The following MMP13 variants were observed in gnomAD, a reference collection of about 807,000 sequenced individuals.
The protein encoded by MMP13 is matrix metallopeptidase 13, also known as collagenase 3.
MMP13 carries 45 observed loss-of-function variants against 52.1 expected under a neutral mutation model. The observed-to-expected ratio is 0.86, with a 90% confidence interval of 0.68 to 1.11. The LOEUF (loss-of-function observed/expected upper bound fraction) is 1.11, where lower values mean the gene tolerates loss of function less well. Ranked by LOEUF, MMP13 falls within the 50% of genes least tolerant of loss-of-function variation. The pLI, the probability that MMP13 is intolerant of heterozygous loss-of-function variation, is 0.00. For synonymous variants in MMP13, 200 were observed against 204.4 expected (o/e 0.98, Z 0.18); for missense variants, 576 against 583.8 (o/e 0.99, Z 0.14).
chr11:102,950,138 G>A lies in MMP13; in HGVS notation c.889C>T (p.Arg297Ter), dbSNP rs1187312618. 2.5e-6 allele frequency: 4 copies of A among 1,612,978 alleles called. No homozygotes were observed. Among genetic ancestry groups the A allele is most frequent in the Admixed American group, 1.7e-5 (1 of 59,992 alleles). ...SLSLDAITSL[R>*]GETMIFKDRF... ...TCTTTAAAGATCATTGTTTCTCCTCGGAGACTGGTAATGGCATCAAGGGAT... is the reference window on the plus strand; with the variant it reads ...TCTTTAAAGATCATTGTTTCTCCTCAGAGACTGGTAATGGCATCAAGGGAT... Residue 297 changes from arginine (R) to a stop codon, truncating the protein, a stop_gained, in exon 6 of 10, where the codon CGA (arginine) becomes TGA (stop). Coordinates refer to ENST00000260302, the MANE Select transcript of MMP13 (RefSeq NM_002427.4). LOFTEE classifies it high-confidence loss of function.
chr11:102,945,062 G>A (rs904187165), intron 9 of MMP13: 6 of 274,234 alleles, frequency 2.2e-5, no homozygotes, highest in African/African-American at 1.4e-4. Context: ...TAGCCAACAT[G>A]GCGAAACTCC....
rs1338632164 is a variant in MMP13, at chr11:102,955,181, A to T, written c.362+71T>A. The T allele has an allele frequency of 1.9e-6, 3 of 1,543,502 alleles. No individual in the cohort carries two copies. Among genetic ancestry groups the T allele is most frequent in the Non-Finnish European group, 2.7e-6 (3 of 1,124,322 alleles). On this transcript the variant is annotated intron_variant, in intron 2 of 9. Transcript: ENST00000260302. The surrounding 1 kb of genome is among the most constrained non-coding windows in gnomAD (Gnocchi z 4.9). ...AACTGCCAATTAAATAATAAGGCCT[A>T]CTTAATATTAGACATTTAATACTAC...
In MMP13 at chr11:102,949,848, C is replaced by A. The variant is rs1239399870; in HGVS notation, c.917+262G>T. 1.3e-5 allele frequency among the ~76,000 whole-genome samples: 2 copies of A among 152,034 alleles called. No individual in the cohort carries two copies. The highest frequency in any genetic ancestry group is 4.8e-5 in the African/African-American group (2 of 41,392). ...TCTGTTTTTAAAACAAATGGGATTT[C>A]TAGATTTTCTTGGTTATATTTATAA... On this transcript the variant is annotated intron_variant, in intron 6 of 9. Coordinates refer to ENST00000260302, the MANE Select transcript of MMP13 (RefSeq NM_002427.4). This position sits in a 1 kb window ranked among gnomAD's most constrained non-coding sequence, Gnocchi z 4.2.
At position 102,947,826 on chromosome 11, in the gene MMP13, G is replaced by A. The variant is rs17860569; in HGVS notation, c.1211+65C>T. 241 of 1,521,012 alleles carry A rather than the reference G, an allele frequency of 1.6e-4. No homozygotes were observed. The African/African-American group carries it at 3.1e-3, about 19-fold the overall frequency. The allele number at this position is 1,521,012 out of a possible 1,614,324, so 94.2% of individuals were successfully genotyped here. On this transcript the variant is annotated intron_variant, in intron 8 of 9. Transcript: ENST00000260302. The stretch of plus-strand genomic sequence containing the variant: ...TAGTGTGTAGGAATAATGTATAGTA[G>A]TGACAGATGTTTGAGGCACTTTGCG...
In MMP13 at chr11:102,954,298, G is replaced by C; in HGVS notation, c.512-17C>G. 6.2e-7 allele frequency: 1 copy of C among 1,613,600 alleles called. No homozygotes were observed. Among genetic ancestry groups the C allele is most frequent in the East Asian group, 2.2e-5 (1 of 44,874 alleles). On this transcript the variant is annotated splice_polypyrimidine_tract_variant and intron_variant, in intron 3 of 9. Coordinates refer to ENST00000260302, the MANE Select transcript of MMP13 (RefSeq NM_002427.4). ...CGCCATGCTCTACACACAAAAGCAA[G>C]GGTTAGGAGTCTTATCACATCCAGG...
At chr11:102,950,471 TTGA>T (rs1860593627) in intron 5 of MMP13, among the ~76,000 whole-genome samples, 2 of 152,212 alleles carry the variant, frequency 1.3e-5, no homozygotes, top group South Asian at 4.2e-4. Context: ...TTTCTTGAGG[TTGA>T]TGATAAAAAG....
intron 3 of MMP13, 33 bp from the exon 4 acceptor site, chr11:102,954,314 C>T (rs771020164): frequency 6.2e-7 from 1 of 1,613,428 alleles, no homozygotes; most frequent in Non-Finnish European, 8.5e-7. Flanking sequence ...GGAGTCTTAT[C>T]ACATCCAGGA....
Position 102,943,108 on chromosome 11 carries a change from A to G in MMP13, c.*1158T>C, listed in dbSNP as rs903845493. ...TTTATCAACAGTGTCTCTGAGCACA[A>G]TAGTTCTTCCCTTGATGGCCGATCA... On this transcript the variant is annotated 3_prime_UTR_variant, in exon 10 of 10. Transcript: ENST00000260302. 6.6e-6 allele frequency: 1 copy of G among 152,204 alleles called. No individual in the cohort carries two copies. Among genetic ancestry groups the G allele is most frequent in the South Asian group, 2.1e-4 (1 of 4,824 alleles). The allele number at this position is 152,204 out of a possible 1,614,324, so 9.4% of individuals were successfully genotyped here.
intron 5 of MMP13, 103 bp from the exon 6 acceptor site, chr11:102,950,330 T>G (rs1351181247): frequency 2.1e-6 from 2 of 949,828 alleles, no homozygotes; most frequent in African/African-American, 3.2e-5. Flanking sequence ...GGGAGAGGGT[T>G]TCTCCAGGAA....
intron 9 of MMP13, among the ~76,000 whole-genome samples, chr11:102,944,847 C>G (rs1860472238): frequency 6.8e-6 from 1 of 146,816 alleles, no homozygotes; most frequent in Non-Finnish European, 1.5e-5. Flanking sequence ...TCTTGAACTC[C>G]TGACCTCAAG....
intron 7 of MMP13, among the ~76,000 whole-genome samples, chr11:102,948,594 TA>T (rs782049986): frequency 5.3e-5 from 8 of 152,158 alleles, no homozygotes; most frequent in Non-Finnish European, 1.2e-4. Context: ...CAGTAGAATA[TA>T]AAAATGTATC....
intron 9 of MMP13, among the ~76,000 whole-genome samples, chr11:102,944,613 G>C (rs1860467238): frequency 6.6e-6 from 1 of 151,088 alleles, no homozygotes. Context: ...ATCGATTTTT[G>C]TGTGCGTATA....
rs553871868 is a variant in MMP13, at chr11:102,949,472, C to A, written c.918-314G>T. 6.6e-6 allele frequency among the ~76,000 whole-genome samples: 1 copy of A among 152,204 alleles called. No homozygotes were observed. Among genetic ancestry groups the A allele is most frequent in the African/African-American group, 2.4e-5 (1 of 41,532 alleles). ...GCAAATGTGCCAGGCATTGTGTTGG[C>A]CTCCAGAGAGAAGATATGAGTTATA... On this transcript the variant is annotated intron_variant, in intron 6 of 9. Coordinates refer to ENST00000260302, the MANE Select transcript of MMP13 (RefSeq NM_002427.4). The surrounding 1 kb of genome is among the most constrained non-coding windows in gnomAD (Gnocchi z 4.2).
intron 4 of MMP13, among the ~76,000 whole-genome samples, chr11:102,953,040 C>T (rs1304520178): frequency 6.6e-6 from 1 of 152,122 alleles, no homozygotes; most frequent in Non-Finnish European, 1.5e-5. Context: ...GCAAACCTTG[C>T]AGACCATGAG....
In MMP13 at chr11:102,952,689, C is replaced by A. The variant is rs1397547965; in HGVS notation, c.638-516G>T. On this transcript the variant is annotated intron_variant, in intron 4 of 9. Coordinates refer to ENST00000260302, the MANE Select transcript of MMP13 (RefSeq NM_002427.4). The surrounding 1 kb of genome is among the most constrained non-coding windows in gnomAD (Gnocchi z 4.3). ...GTTTACTCTTGGGAGCAAATTCCAA[C>A]CAAATGATTTTTTCCAGAATGTCTC... is the stretch of plus-strand genomic sequence containing the variant. 6.6e-6 allele frequency among the ~76,000 whole-genome samples: 1 copy of A among 152,006 alleles called. No individual in the cohort carries two copies. Among genetic ancestry groups the A allele is most frequent in the African/African-American group, 2.4e-5 (1 of 41,378 alleles).
At position 102,955,217 on chromosome 11, in the gene MMP13, T is replaced by G; in HGVS notation, c.362+35A>C. 1 of 1,609,972 alleles carries G rather than the reference T, an allele frequency of 6.2e-7. No individual in the cohort carries two copies. Among genetic ancestry groups the G allele is most frequent in the African/African-American group, 1.3e-5 (1 of 74,968 alleles). On this transcript the variant is annotated intron_variant, in intron 2 of 9. Transcript: ENST00000260302. The surrounding 1 kb of genome is among the most constrained non-coding windows in gnomAD (Gnocchi z 4.9). ...GACATTTAATACTACAAGAAAAGGC[T>G]AACAAATATGAAAGAAAGATAGCCT... is the stretch of plus-strand genomic sequence containing the variant.
chr11:102,954,291 A>G lies in MMP13; in HGVS notation c.512-10T>C, dbSNP rs748076381. The G allele has an allele frequency of 6.2e-7, 1 of 1,613,696 alleles. No homozygotes were observed. The highest frequency in any genetic ancestry group is 8.5e-7 in the Non-Finnish European group (1 of 1,179,724). On this transcript the variant is annotated splice_polypyrimidine_tract_variant and intron_variant, in intron 3 of 9. Transcript: ENST00000260302. ...TAGAAGTCGCCATGCTCTACACACA[A>G]AAGCAAGGGTTAGGAGTCTTATCAC...
Position 102,945,637 on chromosome 11 carries a change from A to G in MMP13, c.1315+9T>C. On this transcript the variant is annotated intron_variant, in intron 9 of 9. Transcript: ENST00000260302. ...TCCTCTTTAAAGTCAGTGCAATGTA[A>G]CTACTTACCATTTTTCTCATAGACA... 6.6e-7 allele frequency: 1 copy of G among 1,518,492 alleles called. No individual in the cohort carries two copies. Among genetic ancestry groups the G allele is most frequent in the Non-Finnish European group, 9.1e-7 (1 of 1,094,140 alleles). 94.1% of individuals were successfully genotyped at this position (1,518,492 alleles called of 1,614,324 possible). A position where few individuals can be genotyped will look rare whatever the true frequency, so the allele number is the denominator to read the frequency against.
intron 8 of MMP13, among the ~76,000 whole-genome samples, chr11:102,947,330 AT>A (rs2134514931): frequency 6.6e-6 from 1 of 152,290 alleles, no homozygotes; most frequent in South Asian, 2.1e-4. Context: ...TAATTCCACC[AT>A]TTTGGGAGGC....
Sources: allele counts gnomAD v4.1 joint callset (sites outside exome capture counted in the v4.1 genomes callset), GRCh38; gene constraint gnomAD v4.1.1; non-coding constraint Gnocchi (gnomAD v3.1); transcripts MANE v1.5; gene names NCBI Gene and HGNC (gene_info 2026-07-23, HGNC 2026-07-21).